CYP4V2: variants seen among roughly 807,000 people sequenced by gnomAD.
CYP4V2 encodes the protein cytochrome P450 family 4 subfamily V member 2.
Under a neutral mutation model 60.8 loss-of-function variants are expected in CYP4V2, and 55 were observed. That is an observed-to-expected ratio of 0.90 (90% CI 0.73 to 1.13). The LOEUF is 1.13. Among genes scored for constraint, CYP4V2 ranks in the 50% most tolerant of loss-of-function variants. The pLI, the probability that CYP4V2 is intolerant of heterozygous loss-of-function variation, is 0.00. For missense variants in CYP4V2, 675 were observed against 662.9 expected (o/e 1.02, Z -0.20); for synonymous variants, 239 against 236.8 (o/e 1.01, Z -0.08).
Position 186,208,907 on chromosome 4 carries a change from T to G in CYP4V2, c.1133T>G (p.Leu378Arg). ...GCTACAGTAGAAGACCTGAAGAAAC[T>G]TCGGTATCTGGAATGTGTTATTAAG... Reference protein sequence around the residue: ...RPATVEDLKKLRYLECVIKET... With the variant: ...RPATVEDLKKRRYLECVIKET... The change falls in exon 9 of 11, where the codon CTT becomes CGT. Residue 378 changes from leucine (L) to arginine (R), a missense_variant. Leu to Arg is a moderately radical substitution (Grantham distance 102). Transcript: ENST00000378802. 6.2e-7 allele frequency: 1 copy of G among 1,614,214 alleles called. No individual in the cohort carries two copies. The highest frequency in any genetic ancestry group is 8.5e-7 in the Non-Finnish European group (1 of 1,180,028).
intron 7 of CYP4V2, chr4:186,201,942 G>A (rs1368970414): frequency 3.3e-5 from 5 of 152,806 alleles, no homozygotes; most frequent in Admixed American, 3.3e-4. Context: ...ATGGTTTTTA[G>A]AAGCCATGTA....
intron 7 of CYP4V2, chr4:186,201,738 C>A: frequency 4.3e-6 from 1 of 234,170 alleles, no homozygotes; most frequent in South Asian, 5.6e-5. Context: ...CACTTAGCTG[C>A]TGCCATGAGC....
rs746112010 is a variant in CYP4V2 at position 186,194,528 on chromosome 4, A to G, written c.243A>G (p.Thr81=). The stretch of plus-strand genomic sequence containing the variant: ...TTTTTCAGCAGATCATTGAGTACAC[A>G]GAGGAATACCGCCACATGCCGCTGC... ...REFFQQIIEY[T]EEYRHMPLLK... The change falls in exon 2 of 11, where the codon ACA becomes ACG. Residue 81 remains threonine (T), a synonymous_variant. Transcript: ENST00000378802. The G allele has an allele frequency of 3.1e-6, 5 of 1,614,202 alleles. No individual in the cohort carries two copies. The highest frequency in any genetic ancestry group is 1.7e-6 in the Non-Finnish European group (2 of 1,180,022).
chr4:186,205,217 A>T lies in CYP4V2; in HGVS notation c.1005A>T (p.Ala335=), dbSNP rs761199086. The change falls in exon 8 of 11, where the codon GCA becomes GCT. Residue 335 remains alanine (A), a synonymous_variant. Transcript: ENST00000378802. The part of the protein sequence containing the change: ...TFMFEGHDTT[A]AAINWSLYLL... Reference sequence around the variant, plus strand: ...ATTTGTAGGGGCACGATACAACTGCAGCTGCAATAAACTGGTCCTTATACC... The same window carrying T: ...ATTTGTAGGGGCACGATACAACTGCTGCTGCAATAAACTGGTCCTTATACC... 2.5e-6 allele frequency: 4 copies of T among 1,614,274 alleles called. No homozygotes were observed. The highest frequency in any genetic ancestry group is 3.4e-6 in the Non-Finnish European group (4 of 1,180,048).
chr4:186,196,089 G>A lies in CYP4V2; in HGVS notation c.413+1G>A, dbSNP rs1473120800. ...GGCTTGGCCTAGGACTTCTTACAAG[G>A]TATGCCAGTGTACCTTTGTAAAGCT... On this transcript the variant is annotated splice_donor_variant, in intron 3 of 10. Transcript: ENST00000378802. LOFTEE classifies it high-confidence loss of function. 4.3e-6 allele frequency: 7 copies of A among 1,609,724 alleles called. No homozygotes were observed. The Admixed American group carries it at 8.3e-5, about 19-fold the overall frequency.
At chr4:186,192,299 T>G (rs2126579335) in intron 1 of CYP4V2, 1 of 682,010 alleles carries the variant, frequency 1.5e-6, no homozygotes, top group East Asian at 2.8e-5. Context: ...TTTTCCCACC[T>G]CACCGCTGCT....
chr4:186,206,264 G>C (rs561650441), intron 8 of CYP4V2, among the ~76,000 whole-genome samples: 2 of 152,250 alleles, frequency 1.3e-5, no homozygotes, highest in Admixed American at 1.3e-4. Flanking sequence ...AAGCATACTT[G>C]TGACATACTT....
At chr4:186,209,466 G>A (rs72646294) in intron 10 of CYP4V2, among the ~76,000 whole-genome samples, 194 bp downstream of exon 10, 2,178 of 152,154 alleles carry the variant, frequency 0.014, 25 homozygotes, top group Middle Eastern at 0.034. Context: ...TAGTATATTC[G>A]CCTGCATGGG....
chr4:186,199,738 G>A (rs1736255091), intron 6 of CYP4V2, among the ~76,000 whole-genome samples: 1 of 152,060 alleles, frequency 6.6e-6, no homozygotes, highest in Non-Finnish European at 1.5e-5. Context: ...AAAATAACCA[G>A]AAGATAGTGA....
At chr4:186,197,741 C>A in intron 5 of CYP4V2, 139 bp downstream of exon 5, 1 of 861,252 alleles carries the variant, frequency 1.2e-6, no homozygotes, top group Non-Finnish European at 1.9e-6. Flanking sequence ...ATCATGTAAG[C>A]ATGTGTTTAA....
chr4:186,210,844 T>A lies in CYP4V2; in HGVS notation c.*203T>A, dbSNP rs924781029. On this transcript the variant is annotated 3_prime_UTR_variant, in exon 11 of 11. Transcript: ENST00000378802. ...TTCTTTTTTCTTTTTTCTTTATTTT[T>A]TTTTTTTGAAACCGTGTCTCACTCT... 6.3e-5 allele frequency: 40 copies of A among 638,550 alleles called. No individual in the cohort carries two copies. Among genetic ancestry groups the A allele is most frequent in the Admixed American group, 9.4e-5 (3 of 32,016 alleles). The allele number at this position is 638,550 out of a possible 1,614,324, so 39.6% of individuals were successfully genotyped here.
At chr4:186,210,340 A>G in intron 10 of CYP4V2, 129 bp from the exon 11 acceptor site, 2 of 1,158,432 alleles carry the variant, frequency 1.7e-6, no homozygotes, top group Non-Finnish European at 2.5e-6. Flanking sequence ...AGGTGTTCCA[A>G]GCCATTCTGG....
intron 8 of CYP4V2, 130 bp from the exon 9 acceptor site, chr4:186,208,735 G>A (rs1431469808): frequency 2.8e-5 from 36 of 1,287,726 alleles, no homozygotes; most frequent in Non-Finnish European, 3.4e-5. Context: ...CTTGATCCAC[G>A]TGTTCTTCTT....
In CYP4V2 at chr4:186,192,048, G is replaced by C. The variant is rs1428735050; in HGVS notation, c.214+11G>C. 6.4e-7 allele frequency: 1 copy of C among 1,563,338 alleles called. No homozygotes were observed. The highest frequency in any genetic ancestry group is 8.6e-7 in the Non-Finnish European group (1 of 1,160,282). ...AGCCGGACGGGCGAGGTAAGGGCCG[G>C]CGCTCCTCCTGGAGCGCAACGGGGT... On this transcript the variant is annotated intron_variant, in intron 1 of 10. Coordinates refer to ENST00000378802, the MANE Select transcript of CYP4V2 (RefSeq NM_207352.4).
At position 186,195,883 on chromosome 4, in the gene CYP4V2, G is replaced by A. The variant is rs1216580846; in HGVS notation, c.328-120G>A. The A allele has an allele frequency of 2.3e-5, 17 of 741,292 alleles. No homozygotes were observed. Among genetic ancestry groups the A allele is most frequent in the East Asian group, 2.7e-5 (1 of 37,118 alleles). 45.9% of individuals were successfully genotyped at this position (741,292 alleles called of 1,614,324 possible). A position where few individuals can be genotyped will look rare whatever the true frequency, so the allele number is the denominator to read the frequency against. ...AGGCACAGGACTGAAAATGAACGAC[G>A]GAGAAAATAAATGTTGTGAATGCCC... On this transcript the variant is annotated intron_variant, in intron 2 of 10. Coordinates refer to ENST00000378802, the MANE Select transcript of CYP4V2 (RefSeq NM_207352.4). This position sits in a 1 kb window ranked among gnomAD's most constrained non-coding sequence, Gnocchi z 4.1.
chr4:186,201,669 C>T, intron 7 of CYP4V2: 1 of 275,266 alleles, frequency 3.6e-6, no homozygotes. Context: ...TCCTTCTAAC[C>T]TCCCAGACAT....
chr4:186,198,186 T>C (rs1241819867), intron 5 of CYP4V2, among the ~76,000 whole-genome samples: 1 of 152,226 alleles, frequency 6.6e-6, no homozygotes, highest in African/African-American at 2.4e-5. Flanking sequence ...TATTTAAGTC[T>C]CCTGCTCATT....
At chr4:186,203,407 GCCT>G (rs1736382437) in intron 7 of CYP4V2, 1 of 152,574 alleles carries the variant, frequency 6.6e-6, no homozygotes, top group Non-Finnish European at 1.5e-5. Flanking sequence ...TGACACTGTG[GCCT>G]CCTCCACAGG....
In CYP4V2 at chr4:186,210,388, G is replaced by C. The variant is rs72646297; in HGVS notation, c.1406-81G>C. 5.4e-5 allele frequency: 86 copies of C among 1,578,906 alleles called. No individual in the cohort carries two copies. The East Asian group carries it at 7.9e-4, about 14-fold the overall frequency. On this transcript the variant is annotated intron_variant, in intron 10 of 10. Coordinates refer to ENST00000378802, the MANE Select transcript of CYP4V2 (RefSeq NM_207352.4). ...CTACTGCGAAAATGTAAAGTGGCTC[G>C]CTTCCTATGACAGGACCTCTTGTTT...
Sources: allele counts gnomAD v4.1 joint callset (sites outside exome capture counted in the v4.1 genomes callset), GRCh38; gene constraint gnomAD v4.1.1; non-coding constraint Gnocchi (gnomAD v3.1); transcripts MANE v1.5; gene names NCBI Gene and HGNC (gene_info 2026-07-23, HGNC 2026-07-21).